Variants in DLGAP2 observed in about 807,000 individuals in gnomAD.
DLGAP2 encodes the protein DLG associated protein 2, also known as disks large-associated protein 2.
DLGAP2 carries 26 observed loss-of-function variants against 100.3 expected under a neutral mutation model. That is an observed-to-expected ratio of 0.26 (90% CI 0.19 to 0.36). The LOEUF (loss-of-function observed/expected upper bound fraction) is 0.36, where lower values mean the gene tolerates loss of function less well. Ranked by LOEUF, DLGAP2 falls within the 10% of genes least tolerant of loss-of-function variation. The pLI, the probability that DLGAP2 is intolerant of heterozygous loss-of-function variation, is 1.00. For synonymous variants in DLGAP2, 886 were observed against 630.1 expected (o/e 1.41, Z -6.08); for missense variants, 1,858 against 1,453.2 (o/e 1.28, Z -4.53).
At chr8:877,298 T>C (rs958088400) in intron 1 of DLGAP2, among the ~76,000 whole-genome samples, 17 of 152,188 alleles carry the variant, frequency 1.1e-4, no homozygotes, top group Non-Finnish European at 1.9e-4. Context: ...CACCTGGGCT[T>C]GTTTTTGTTG....
At chr8:923,734 A>G (rs1303769610) in intron 2 of DLGAP2, among the ~76,000 whole-genome samples, 1 of 152,176 alleles carries the variant, frequency 6.6e-6, no homozygotes, top group Non-Finnish European at 1.5e-5. Context: ...ATCAGATGTC[A>G]GGGGTCTGTT....
In DLGAP2 at chr8:933,292, C is replaced by T. The variant is rs1489750563; in HGVS notation, c.73+25326C>T. The stretch of plus-strand genomic sequence containing the variant: ...CTCTGTCCTGGAACAAATGACGGCC[C>T]TGGCCATGGTCCCGGGGGTGAGGGC... On this transcript the variant is annotated intron_variant, in intron 2 of 14. Coordinates refer to ENST00000637795, the MANE Select transcript of DLGAP2 (RefSeq NM_001346810.2). 2.0e-5 allele frequency among the ~76,000 whole-genome samples: 3 copies of T among 152,276 alleles called. 1 individual carries two copies. The highest frequency in any genetic ancestry group is 4.4e-5 in the Non-Finnish European group (3 of 68,052).
intron 1 of DLGAP2, among the ~76,000 whole-genome samples, chr8:869,457 C>G: frequency 6.6e-6 from 1 of 152,132 alleles, no homozygotes; most frequent in East Asian, 1.9e-4. Flanking sequence ...TACGTTTGTA[C>G]GCTGAGGGCT....
At chr8:1,672,131 G>A (rs936416194) in intron 10 of DLGAP2, among the ~76,000 whole-genome samples, 1 of 152,200 alleles carries the variant, frequency 6.6e-6, no homozygotes, top group South Asian at 2.1e-4. Context: ...AGGGACGGAG[G>A]CCTGGTCTAA....
At position 1,082,265 on chromosome 8, in the gene DLGAP2, A is replaced by G. The variant is rs570256164; in HGVS notation, c.73+174299A>G. The stretch of plus-strand genomic sequence containing the variant: ...TGTTTGTAATTTGAAAATTGTTTTC[A>G]AGAAATTTTTGCAAAAACAGGAAAA... On this transcript the variant is annotated intron_variant, in intron 2 of 14. Transcript: ENST00000637795. 3.3e-4 allele frequency among the ~76,000 whole-genome samples: 50 copies of G among 152,318 alleles called. 1 individual carries two copies. The South Asian group carries it at 0.01, about 31-fold the overall frequency.
chr8:1,561,267 G>A (rs1053115956), intron 5 of DLGAP2, among the ~76,000 whole-genome samples: 2 of 151,664 alleles, frequency 1.3e-5, no homozygotes, highest in Middle Eastern at 6.8e-3. Flanking sequence ...GCCCAGTCTG[G>A]GGTATGTCTT....
chr8:1,328,230 C>T (rs1467664336), intron 3 of DLGAP2, among the ~76,000 whole-genome samples: 3 of 151,968 alleles, frequency 2.0e-5, no homozygotes, highest in East Asian at 1.9e-4. Context: ...TTAGTTGAGA[C>T]AGGATTTCAC....
At chr8:1,205,673 C>T (rs537960187) in intron 2 of DLGAP2, among the ~76,000 whole-genome samples, 3 of 152,246 alleles carry the variant, frequency 2.0e-5, no homozygotes, top group Middle Eastern at 3.4e-3. Flanking sequence ...GAAGGCTGGA[C>T]AGGTAGAGGT....
chr8:1,064,526 T>C (rs1803184605), intron 2 of DLGAP2, among the ~76,000 whole-genome samples: 1 of 152,258 alleles, frequency 6.6e-6, no homozygotes, highest in Non-Finnish European at 1.5e-5. Context: ...GTTATTTAAC[T>C]GGCATTGATA....
At chr8:1,506,500 G>A (rs1423849572) in intron 4 of DLGAP2, among the ~76,000 whole-genome samples, 1 of 152,186 alleles carries the variant, frequency 6.6e-6, no homozygotes, top group African/African-American at 2.4e-5. Context: ...TTCGCGGTGA[G>A]TGTTGCAGCT....
At chr8:1,476,147 A>T (rs144107951) in intron 3 of DLGAP2, among the ~76,000 whole-genome samples, 1 of 151,990 alleles carries the variant, frequency 6.6e-6, no homozygotes, top group Middle Eastern at 3.2e-3. Context: ...GAAACTCAAG[A>T]CCTGCTTTGA....
At chr8:758,263 C>A (rs1351841751) in intron 1 of DLGAP2, among the ~76,000 whole-genome samples, 5 of 152,188 alleles carry the variant, frequency 3.3e-5, no homozygotes, top group African/African-American at 9.7e-5. Context: ...CTGGCAAAAA[C>A]TCGGTAGTGC....
chr8:1,439,208 C>G (rs1298277193), intron 3 of DLGAP2, among the ~76,000 whole-genome samples: 1 of 152,152 alleles, frequency 6.6e-6, no homozygotes, highest in Admixed American at 6.5e-5. Context: ...CCCCTCCCCT[C>G]CAGAGGCAGG....
chr8:1,000,888 G>A (rs570148854), intron 2 of DLGAP2, among the ~76,000 whole-genome samples: 6 of 152,060 alleles, frequency 3.9e-5, no homozygotes, highest in Admixed American at 1.3e-4. Context: ...CTTGCTCATC[G>A]GGTGCTGATT....
chr8:1,538,604 G>A (rs1015135461), intron 4 of DLGAP2, among the ~76,000 whole-genome samples: 3 of 152,158 alleles, frequency 2.0e-5, no homozygotes, highest in Non-Finnish European at 2.9e-5. Flanking sequence ...TTATGTCTCC[G>A]TCCCTCCTCC....
At chr8:946,215 T>C (rs1799315498) in intron 2 of DLGAP2, among the ~76,000 whole-genome samples, 1 of 151,968 alleles carries the variant, frequency 6.6e-6, no homozygotes, top group South Asian at 2.1e-4. Flanking sequence ...GGGATGTGTA[T>C]TGGCATTTGT....
At chr8:1,392,470 C>T (rs12681979) in intron 3 of DLGAP2, among the ~76,000 whole-genome samples, 33,593 of 152,212 alleles carry the variant, frequency 0.22, 4,123 homozygotes, top group East Asian at 0.34. Context: ...ACTTGGACGC[C>T]GCGTGGTCCT....
At chr8:873,576 C>G (rs904503468) in intron 1 of DLGAP2, among the ~76,000 whole-genome samples, 2 of 152,142 alleles carry the variant, frequency 1.3e-5, no homozygotes, top group Non-Finnish European at 1.5e-5. Context: ...ATTCATTTTA[C>G]TAATATTTTG....
rs139371612 is a variant in DLGAP2 at position 1,318,611 on chromosome 8, C to T, written c.106+59728C>T. ...GGGGAACAGATTCCCCCGCCGATGT[C>T]GAAAGGCAGTTCTCTCATGTTACGA... On this transcript the variant is annotated intron_variant, in intron 3 of 14. Coordinates refer to ENST00000637795, the MANE Select transcript of DLGAP2 (RefSeq NM_001346810.2). Among the ~76,000 whole-genome samples the T allele has an allele frequency of 3.0e-3, 452 of 151,750 alleles. 1 individual carries two copies. The highest frequency in any genetic ancestry group is 0.01 in the African/African-American group (432 of 41,388).
Sources: allele counts gnomAD v4.1 joint callset (sites outside exome capture counted in the v4.1 genomes callset), GRCh38; gene constraint gnomAD v4.1.1; transcripts MANE v1.5; gene names NCBI Gene and HGNC (gene_info 2026-07-23, HGNC 2026-07-21).